Variants in SCARB1 observed in about 807,000 individuals in gnomAD.
SCARB1 encodes the protein CD36 and LIMPII analogous 1.
In SCARB1, 30 loss-of-function variants were observed where a neutral mutation model predicts 57.2. The ratio of observed to expected loss-of-function variants is 0.52; its 90% CI spans 0.39 to 0.71. The LOEUF (loss-of-function observed/expected upper bound fraction) is 0.71, where lower values mean the gene tolerates loss of function less well. SCARB1 is among the 30% of genes least tolerant of loss of function. The pLI is 0.00. For synonymous variants in SCARB1, 249 were observed against 268.3 expected, an observed-to-expected ratio of 0.93 and a Z score of 0.70; for missense variants, 543 against 671.2, an observed-to-expected ratio of 0.81 and a Z score of 2.11.
In SCARB1 at chr12:124,793,717, ATG is replaced by A. The variant is rs376576257; in HGVS notation, c.1202+1476_1202+1477del. ...CAAAAAAAAAAAAAAAAAAAAAAGAATGGGGATGGGGGGCAGAGGCTGTGCAA... is the reference window on the plus strand; with the variant it reads ...CAAAAAAAAAAAAAAAAAAAAAAGAAGGGATGGGGGGCAGAGGCTGTGCAA... On this transcript the variant is annotated intron_variant, in intron 9 of 12. Coordinates refer to ENST00000261693, the MANE Select transcript of SCARB1 (RefSeq NM_005505.5). Among the ~76,000 whole-genome samples, 177 of 150,774 alleles carry A rather than the reference ATG, an allele frequency of 1.2e-3. 1 individual carries two copies. The highest frequency in any genetic ancestry group is 4.2e-3 in the African/African-American group (170 of 40,858).
At position 124,800,978 on chromosome 12, in the gene SCARB1, C is replaced by T. The variant is rs980456603; in HGVS notation, c.1010-736G>A. On this transcript the variant is annotated intron_variant, in intron 7 of 12. Coordinates refer to ENST00000261693, the MANE Select transcript of SCARB1 (RefSeq NM_005505.5). The surrounding 1 kb of genome is among the most constrained non-coding windows in gnomAD (Gnocchi z 4.8). Reference sequence around the variant, plus strand: ...ATCCCAACACTTTGGGAGGCCTCAGCAGGCAGATGACTTGCACCCAGGAAT... The same window carrying T: ...ATCCCAACACTTTGGGAGGCCTCAGTAGGCAGATGACTTGCACCCAGGAAT... 2.0e-5 allele frequency among the ~76,000 whole-genome samples: 3 copies of T among 152,202 alleles called. No homozygotes were observed. Among genetic ancestry groups the T allele is most frequent in the African/African-American group, 7.2e-5 (3 of 41,454 alleles).
chr12:124,820,108 C>T (rs991665733), intron 1 of SCARB1, among the ~76,000 whole-genome samples: 2 of 152,174 alleles, frequency 1.3e-5, no homozygotes, highest in Non-Finnish European at 2.9e-5. Flanking sequence ...CAGCTGCCAG[C>T]ACCAGAAGGA....
chr12:124,797,075 A>G (rs1309897759), intron 8 of SCARB1, among the ~76,000 whole-genome samples: 1 of 152,088 alleles, frequency 6.6e-6, no homozygotes, highest in Non-Finnish European at 1.5e-5. Context: ...CTAGCAAAAC[A>G]CCATGGGCAC....
intron 1 of SCARB1, among the ~76,000 whole-genome samples, chr12:124,839,047 A>G (rs112622075): frequency 0.099 from 15,127 of 152,200 alleles, 832 homozygotes; most frequent in Middle Eastern, 0.15. Context: ...TACTGGGATT[A>G]CAGGCATGAG....
At position 124,786,505 on chromosome 12, in the gene SCARB1, TGAG is replaced by T. The variant is rs774679439; in HGVS notation, c.1255-5_1255-3del. 1.3e-5 allele frequency: 21 copies of T among 1,613,890 alleles called. No homozygotes were observed. The highest frequency in any genetic ancestry group is 4.0e-5 in the African/African-American group (3 of 74,938). On this transcript the variant is annotated splice_polypyrimidine_tract_variant and splice_region_variant and intron_variant, in intron 10 of 12. Transcript: ENST00000261693. ...AGTCTCCCCCTCCATGGCCCCGCTC[TGAG>T]GAGACAGAATGACAAACACATGAGC...
rs1019829150 is a variant in SCARB1 at position 124,776,893 on chromosome 12, T to C, written c.*1694A>G. The C allele has an allele frequency of 6.6e-6, 1 of 152,010 alleles. No homozygotes were observed. The highest frequency in any genetic ancestry group is 1.5e-5 in the Non-Finnish European group (1 of 68,008). 9.4% of individuals were successfully genotyped at this position (152,010 alleles called of 1,614,324 possible). ...TATATATTTATGTTGCAGGCAAGTA[T>C]AGGAGTGATTAATAAAAGGCTTAAA... On this transcript the variant is annotated 3_prime_UTR_variant, in exon 13 of 13. Transcript: ENST00000261693.
At chr12:124,835,114 G>A (rs1485557253) in intron 1 of SCARB1, among the ~76,000 whole-genome samples, 4 of 152,130 alleles carry the variant, frequency 2.6e-5, no homozygotes, top group Admixed American at 1.3e-4. Flanking sequence ...AGACACTGAC[G>A]GATGAGGCAA....
In SCARB1 at chr12:124,804,249, G is replaced by C. The variant is rs575020277; in HGVS notation, c.1009+3512C>G. Among the ~76,000 whole-genome samples the C allele has an allele frequency of 5.2e-4, 79 of 152,352 alleles. 1 individual carries two copies. Among genetic ancestry groups the C allele is most frequent in the African/African-American group, 1.5e-3 (62 of 41,574 alleles). ...CCCTGGAACTTCTGCTGGAGTGAAG[G>C]AAACACAGGTGGCCCCCTTTCTGCA... On this transcript the variant is annotated intron_variant, in intron 7 of 12. Coordinates refer to ENST00000261693, the MANE Select transcript of SCARB1 (RefSeq NM_005505.5).
chr12:124,780,306 C>T (rs1182962984), intron 12 of SCARB1, among the ~76,000 whole-genome samples: 1 of 152,208 alleles, frequency 6.6e-6, no homozygotes, highest in East Asian at 1.9e-4. Context: ...GTTTACCAAG[C>T]CCCCTGCCCT....
rs1379470007 is a variant in SCARB1, at chr12:124,800,095, A to AC, written c.1128+28dup. ...GGTGTGCTCCAACCAGGAATCACCCACCCCCCACAGAGGATGGCAGGGGCT... is the reference window on the plus strand; with the variant it reads ...GGTGTGCTCCAACCAGGAATCACCCACCCCCCCACAGAGGATGGCAGGGGCT... On this transcript the variant is annotated intron_variant, in intron 8 of 12. Coordinates refer to ENST00000261693, the MANE Select transcript of SCARB1 (RefSeq NM_005505.5). This position sits in a 1 kb window ranked among gnomAD's most constrained non-coding sequence, Gnocchi z 4.8. 23 of 1,532,176 alleles carry AC rather than the reference A, an allele frequency of 1.5e-5. No individual in the cohort carries two copies. Among genetic ancestry groups the AC allele is most frequent in the Non-Finnish European group, 1.9e-5 (21 of 1,106,550 alleles). The allele number at this position is 1,532,176 out of a possible 1,614,324, so 94.9% of individuals were successfully genotyped here. A position where few individuals can be genotyped will look rare whatever the true frequency, so the allele number is the denominator to read the frequency against.
rs1310524034 is a variant in SCARB1, at chr12:124,789,240, G to T, written c.1203-1783C>A. Among the ~76,000 whole-genome samples the T allele has an allele frequency of 3.3e-5, 5 of 152,124 alleles. No individual in the cohort carries two copies. The stretch of plus-strand genomic sequence containing the variant: ...CTGAAACTGGAACTTTCTCTCTGCG[G>T]TCCTCCTCCCAAAACCCATCACCCC... On this transcript the variant is annotated intron_variant, in intron 9 of 12. Transcript: ENST00000261693. This position sits in a 1 kb window ranked among gnomAD's most constrained non-coding sequence, Gnocchi z 4.4.
intron 1 of SCARB1, among the ~76,000 whole-genome samples, chr12:124,827,413 A>ATAT (rs138195771): frequency 0.034 from 5,131 of 151,526 alleles, 152 homozygotes; most frequent in Non-Finnish European, 0.047. Context: ...TCAGGGGTTA[A>ATAT]TATTATTATT....
intron 1 of SCARB1, among the ~76,000 whole-genome samples, chr12:124,848,776 C>T (rs968151095): frequency 1.3e-5 from 2 of 152,184 alleles, no homozygotes; most frequent in East Asian, 1.9e-4. Context: ...AGAATCAGAG[C>T]GTGATCATCA....
intron 1 of SCARB1, among the ~76,000 whole-genome samples, chr12:124,825,616 A>G (rs1331960741): frequency 6.6e-6 from 1 of 151,542 alleles, no homozygotes; most frequent in Admixed American, 6.6e-5. Flanking sequence ...GGTTGCAGTG[A>G]GCCGAGATCA....
chr12:124,843,828 T>C (rs536819345), intron 1 of SCARB1, among the ~76,000 whole-genome samples: 4 of 152,274 alleles, frequency 2.6e-5, no homozygotes, highest in Admixed American at 2.0e-4. Flanking sequence ...TGAGGACTTA[T>C]GAAAGGAAGA....
chr12:124,784,168 C>T (rs1566130159), intron 11 of SCARB1: 1 of 152,446 alleles, frequency 6.6e-6, no homozygotes, highest in Non-Finnish European at 1.5e-5. Flanking sequence ...TTGTGGACAC[C>T]TATGGTGATG....
Position 124,815,124 on chromosome 12 carries a change from A to C in SCARB1, c.285-10T>G. The C allele has an allele frequency of 6.2e-7, 1 of 1,612,860 alleles. No homozygotes were observed. Among genetic ancestry groups the C allele is most frequent in the Non-Finnish European group, 8.5e-7 (1 of 1,179,944 alleles). ...TTTGTGCCTGAACTCCCTGTGGGGGAAGCCAGTGGGTCAGACGCCCCGCCC... is the reference window on the plus strand; with the variant it reads ...TTTGTGCCTGAACTCCCTGTGGGGGCAGCCAGTGGGTCAGACGCCCCGCCC... On this transcript the variant is annotated splice_polypyrimidine_tract_variant and intron_variant, in intron 2 of 12. Transcript: ENST00000261693.
chr12:124,853,364 T>TG, intron 1 of SCARB1, among the ~76,000 whole-genome samples: 1 of 151,020 alleles, frequency 6.6e-6, no homozygotes, highest in Non-Finnish European at 1.5e-5. Flanking sequence ...TTCAGCTTCT[T>TG]GAAATGATCC....
At chr12:124,819,667 C>T (rs1464515479) in intron 1 of SCARB1, among the ~76,000 whole-genome samples, 2 of 152,230 alleles carry the variant, frequency 1.3e-5, no homozygotes, top group Non-Finnish European at 2.9e-5. Context: ...GTCGCAAAGC[C>T]AGGCAGCTGC....
Sources: allele counts gnomAD v4.1 joint callset (sites outside exome capture counted in the v4.1 genomes callset), GRCh38; gene constraint gnomAD v4.1.1; non-coding constraint Gnocchi (gnomAD v3.1); transcripts MANE v1.5; gene names NCBI Gene and HGNC (gene_info 2026-07-23, HGNC 2026-07-21).